SH2D4B: variants seen among roughly 807,000 people sequenced by gnomAD.
SH2D4B encodes the protein SH2 domain-containing protein 4B.
A neutral mutation model predicts 61.5 loss-of-function variants in SH2D4B; 45 were observed. The observed-to-expected ratio is 0.73, with a 90% CI of 0.58 to 0.94. SH2D4B has a LOEUF of 0.94. Ranked by LOEUF, SH2D4B falls within the 40% of genes least tolerant of loss-of-function variation. The pLI is 0.00. For synonymous variants in SH2D4B, 224 were observed against 220.4 expected (o/e 1.02, Z -0.14); for missense variants, 572 against 574.2 (o/e 1.00, Z 0.04).
chr10:80,633,878 C>G, intron 6 of SH2D4B, among the ~76,000 whole-genome samples: 1 of 152,200 alleles, frequency 6.6e-6, no homozygotes, highest in East Asian at 1.9e-4. Flanking sequence ...TCATCAGCAG[C>G]CATTCTGGAC....
At chr10:80,575,619 A>G (rs1044551341) in intron 3 of SH2D4B, among the ~76,000 whole-genome samples, 3 of 152,030 alleles carry the variant, frequency 2.0e-5, no homozygotes, top group Admixed American at 2.0e-4. Context: ...TAACAATACA[A>G]AATACTAAAA....
intron 1 of SH2D4B, among the ~76,000 whole-genome samples, chr10:80,557,376 G>A (rs891657469): frequency 4.6e-5 from 7 of 152,088 alleles, no homozygotes; most frequent in African/African-American, 1.7e-4. Flanking sequence ...TCAGGGTAAT[G>A]TCAACCTGAA....
At chr10:80,566,894 G>T (rs1183073070) in intron 1 of SH2D4B, among the ~76,000 whole-genome samples, 1 of 151,992 alleles carries the variant, frequency 6.6e-6, no homozygotes, top group Non-Finnish European at 1.5e-5. Context: ...TAATTAAATC[G>T]GTGTTTCTTT....
chr10:80,619,125 G>A (rs139938767), intron 6 of SH2D4B, among the ~76,000 whole-genome samples: 267 of 152,242 alleles, frequency 1.8e-3, no homozygotes, highest in Middle Eastern at 3.4e-3. Flanking sequence ...AGGATGCACC[G>A]GGATTTGTGC....
intron 1 of SH2D4B, among the ~76,000 whole-genome samples, chr10:80,543,325 G>A (rs1020487263): frequency 1.2e-4 from 18 of 152,242 alleles, no homozygotes; most frequent in African/African-American, 3.4e-4. Context: ...TGGGCTGGGC[G>A]GACCCCGCAC....
chr10:80,587,071 A>T (rs12266971), intron 3 of SH2D4B, among the ~76,000 whole-genome samples: 1 of 145,104 alleles, frequency 6.9e-6, no homozygotes, highest in East Asian at 2.1e-4. Context: ...ACTCACCTCG[A>T]GGGTCCGCGG....
At chr10:80,611,943 C>T (rs1187338585) in intron 6 of SH2D4B, among the ~76,000 whole-genome samples, 2 of 152,032 alleles carry the variant, frequency 1.3e-5, no homozygotes, top group Non-Finnish European at 2.9e-5. Flanking sequence ...TATTTTGTGA[C>T]AGAATTTTCA....
chr10:80,591,753 G>T (rs1429594643), intron 4 of SH2D4B, among the ~76,000 whole-genome samples: 1 of 151,922 alleles, frequency 6.6e-6, no homozygotes, highest in African/African-American at 2.4e-5. Flanking sequence ...CACCTGCCTT[G>T]GCCTTCCAAA....
intron 1 of SH2D4B, among the ~76,000 whole-genome samples, chr10:80,543,195 TG>T (rs922614575): frequency 1.2e-4 from 18 of 152,162 alleles, no homozygotes; most frequent in Non-Finnish European, 2.5e-4. Flanking sequence ...AGCCCGCCGT[TG>T]CACTGTGGGA....
intron 1 of SH2D4B, among the ~76,000 whole-genome samples, chr10:80,553,760 AAT>A (rs1197534094): frequency 2.0e-5 from 3 of 152,214 alleles, no homozygotes; most frequent in African/African-American, 7.2e-5. Flanking sequence ...TGCTGAATAC[AAT>A]ATCAAATAGC....
intron 2 of SH2D4B, among the ~76,000 whole-genome samples, chr10:80,570,859 AATTT>A (rs1009320140): frequency 6.1e-4 from 93 of 152,078 alleles, no homozygotes; most frequent in African/African-American, 2.1e-3. Context: ...TTTACTTATG[AATTT>A]ATTTATTTAT....
chr10:80,622,640 G>C (rs1376907191), intron 6 of SH2D4B, among the ~76,000 whole-genome samples: 1 of 152,100 alleles, frequency 6.6e-6, no homozygotes, highest in East Asian at 1.9e-4. Context: ...GTCTCATGGT[G>C]GGCTCCTTGC....
intron 3 of SH2D4B, among the ~76,000 whole-genome samples, chr10:80,572,990 T>G (rs61399448): frequency 8.9e-5 from 2 of 22,504 alleles, no homozygotes; most frequent in African/African-American, 1.9e-4. Flanking sequence ...ATATATATTT[T>G]TTTTTTTTTT....
intron 4 of SH2D4B, among the ~76,000 whole-genome samples, chr10:80,598,552 A>G (rs952430402): frequency 6.6e-6 from 1 of 152,236 alleles, no homozygotes; most frequent in East Asian, 1.9e-4. Flanking sequence ...TCTGCACTCA[A>G]TTAATTTAAT....
intron 3 of SH2D4B, among the ~76,000 whole-genome samples, chr10:80,587,042 C>CACATTTAAG (rs1564775816): frequency 6.6e-6 from 1 of 151,644 alleles, no homozygotes; most frequent in Non-Finnish European, 1.5e-5. Context: ...CCGGATATGC[C>CACATTTAAG]ACATTTAAGA....
intron 3 of SH2D4B, among the ~76,000 whole-genome samples, chr10:80,585,446 C>T (rs1842234034): frequency 1.3e-5 from 2 of 152,000 alleles, no homozygotes; most frequent in African/African-American, 4.8e-5. Context: ...TCCCAAGTAG[C>T]TCGGATTACA....
chr10:80,630,164 A>T (rs571547210), intron 6 of SH2D4B, among the ~76,000 whole-genome samples: 2 of 152,188 alleles, frequency 1.3e-5, no homozygotes, highest in Non-Finnish European at 2.9e-5. Context: ...TCAGAGAAAA[A>T]TCTTGGCCAG....
At chr10:80,626,630 G>A (rs1842770027) in intron 6 of SH2D4B, among the ~76,000 whole-genome samples, 1 of 152,140 alleles carries the variant, frequency 6.6e-6, no homozygotes, top group Non-Finnish European at 1.5e-5. Flanking sequence ...TGTCATGCCT[G>A]GTCTTCATTC....
chr10:80,622,012 C>T (rs111984763), intron 6 of SH2D4B, among the ~76,000 whole-genome samples: 115 of 152,246 alleles, frequency 7.6e-4, no homozygotes, highest in African/African-American at 2.3e-3. Flanking sequence ...TGAGCCACCA[C>T]GCCCAGCTGA....
Sources: gnomAD v4.1 joint callset for allele counts (sites outside exome capture counted in the v4.1 genomes callset) on GRCh38, gnomAD v4.1.1 for gene constraint, MANE v1.5 for transcripts, NCBI Gene and HGNC (gene_info 2026-07-23, HGNC 2026-07-21) for gene names.